The following ZNF286A variants were observed in gnomAD, a reference collection of about 807,000 sequenced individuals.
ZNF286A encodes zinc finger protein 286A.
Under a neutral mutation model 49.3 loss-of-function variants are expected in ZNF286A, and 34 were observed. The ratio of observed to expected loss-of-function variants is 0.69; its 90% CI spans 0.52 to 0.92. ZNF286A has a LOEUF of 0.92. Ranked by LOEUF, ZNF286A falls within the 40% of genes least tolerant of loss-of-function variation. The pLI, the probability that ZNF286A is intolerant of heterozygous loss-of-function variation, is 0.00. For missense variants in ZNF286A, 462 were observed against 600.2 expected (o/e 0.77, Z 2.41); for synonymous variants, 155 against 200.4 (o/e 0.77, Z 1.91).
At chr17:15,707,169 G>C (rs1032474160) in intron 4 of ZNF286A, among the ~76,000 whole-genome samples, 1 of 152,076 alleles carries the variant, frequency 6.6e-6, no homozygotes, top group African/African-American at 2.4e-5. Context: ...GGCCGGGCGC[G>C]GTGGCTCACG....
At chr17:15,708,284 C>A in intron 5 of ZNF286A, 37 bp downstream of exon 5, 2 of 1,490,744 alleles carry the variant, frequency 1.3e-6, no homozygotes, top group Non-Finnish European at 9.0e-7. Context: ...TAAATGATAG[C>A]CCAGCAGGAC....
In ZNF286A at chr17:15,717,134, G is replaced by T. The variant is rs1417751491; in HGVS notation, c.1410G>T (p.Glu470Asp). ...HIGKKPYKCS[E>D]CGKAFIHSSA... Reference sequence around the variant, plus strand: ...GAAAGAAACCGTACAAATGTAGCGAGTGTGGAAAAGCCTTCATTCATTCAT... The same window carrying T: ...GAAAGAAACCGTACAAATGTAGCGATTGTGGAAAAGCCTTCATTCATTCAT... Residue 470 changes from glutamate to aspartate, a missense_variant, in exon 6 of 6, where the codon GAG becomes GAT. Transcript: ENST00000583566. The T allele has an allele frequency of 1.9e-6, 3 of 1,613,520 alleles. No individual in the cohort carries two copies. The Admixed American group carries it at 5.0e-5, about 27-fold the overall frequency.
chr17:15,710,452 A>G (rs1990566133), intron 5 of ZNF286A, among the ~76,000 whole-genome samples: 1 of 152,318 alleles, frequency 6.6e-6, no homozygotes, highest in African/African-American at 2.4e-5. Flanking sequence ...GAAAGCCAAT[A>G]AGTCCAGCAT....
intron 3 of ZNF286A, among the ~76,000 whole-genome samples, chr17:15,701,794 G>C (rs1567702133): frequency 6.6e-6 from 1 of 152,096 alleles, no homozygotes; most frequent in Non-Finnish European, 1.5e-5. Flanking sequence ...TTATATTGTT[G>C]GCCCCTCTCT....
intron 5 of ZNF286A, among the ~76,000 whole-genome samples, chr17:15,711,934 C>T (rs1429212080): frequency 5.8e-5 from 7 of 120,950 alleles, no homozygotes; most frequent in Admixed American, 1.1e-4. Context: ...TGCAGTGGTG[C>T]GATCTTGGCT....
In ZNF286A at chr17:15,719,519, C is replaced by T; in HGVS notation, c.*2229C>T. ...ATATTTAGGGTCTAGGGAAGGTCTG[C>T]TTCTTGGTTAATAGAAAGCACCTTT... On this transcript the variant is annotated 3_prime_UTR_variant, in exon 6 of 6. Coordinates refer to ENST00000583566, the MANE Select transcript of ZNF286A (RefSeq NM_001130842.2). 1 of 151,538 alleles carries T rather than the reference C, an allele frequency of 6.6e-6. No individual in the cohort carries two copies. The highest frequency in any genetic ancestry group is 1.5e-5 in the Non-Finnish European group (1 of 67,944). The allele number at this position is 151,538 out of a possible 1,614,324, so 9.4% of individuals were successfully genotyped here.
chr17:15,715,405 C>T (rs1167097169), intron 5 of ZNF286A, among the ~76,000 whole-genome samples: 1 of 151,862 alleles, frequency 6.6e-6, no homozygotes, highest in Admixed American at 6.6e-5. Context: ...GATAGTACTC[C>T]ATTGTTTGTA....
chr17:15,712,416 C>T (rs992254950), intron 5 of ZNF286A, among the ~76,000 whole-genome samples: 1 of 152,164 alleles, frequency 6.6e-6, no homozygotes, highest in African/African-American at 2.4e-5. Context: ...CTATTTGATT[C>T]CTTTGTTTGC....
At chr17:15,704,550 C>T (rs1271268342) in intron 3 of ZNF286A, 5 of 1,614,000 alleles carry the variant, frequency 3.1e-6, no homozygotes, top group Non-Finnish European at 4.2e-6. Flanking sequence ...TCAGCAGGCA[C>T]CTGATGGTCA....
chr17:15,715,785 G>A (rs1474811908), intron 5 of ZNF286A, among the ~76,000 whole-genome samples: 1 of 152,164 alleles, frequency 6.6e-6, no homozygotes, highest in Non-Finnish European at 1.5e-5. Context: ...CTGCTCATCT[G>A]TGGATATATT....
chr17:15,712,089 A>T (rs62071725), intron 5 of ZNF286A, among the ~76,000 whole-genome samples: 1 of 151,934 alleles, frequency 6.6e-6, no homozygotes, highest in East Asian at 1.9e-4. Context: ...AGCCGGGATG[A>T]TCTCAGTCTC....
chr17:15,706,395 G>T lies in ZNF286A; in HGVS notation c.135G>T (p.Val45=). The change falls in exon 4 of 6, where the codon GTG becomes GTT. Residue 45 remains valine (V), a synonymous_variant. Transcript: ENST00000583566. ...AATATTTTATGTTTTAGGAAACAGT[G>T]ACATTCAAGGATGTGGCCATGGACT... ...LRLTARSQET[V]TFKDVAMDFT... is the part of the protein sequence containing the mutation. 1 of 1,613,352 alleles carries T rather than the reference G, an allele frequency of 6.2e-7. No individual in the cohort carries two copies. Among genetic ancestry groups the T allele is most frequent in the South Asian group, 1.1e-5 (1 of 91,058 alleles).
At chr17:15,703,784 T>C (rs1473148641) in intron 3 of ZNF286A, among the ~76,000 whole-genome samples, 3 of 152,212 alleles carry the variant, frequency 2.0e-5, no homozygotes, top group Non-Finnish European at 2.9e-5. Flanking sequence ...TGTTTCAAAC[T>C]TTTATTGCCA....
chr17:15,714,262 T>A (rs1267223675), intron 5 of ZNF286A, among the ~76,000 whole-genome samples: 3 of 152,002 alleles, frequency 2.0e-5, no homozygotes, highest in Non-Finnish European at 2.9e-5. Flanking sequence ...ATTGTGTTGA[T>A]TTGTGCGAAG....
In ZNF286A at chr17:15,717,930, AT is replaced by A. The variant is rs769116482; in HGVS notation, c.*661del. ...TTCACATGGATTATGTACATCATTGATTTTTTTTTTTTTTTTTTTTTGAGAC... is the reference window on the plus strand; with the variant it reads ...TTCACATGGATTATGTACATCATTGATTTTTTTTTTTTTTTTTTTTGAGAC... On this transcript the variant is annotated 3_prime_UTR_variant, in exon 6 of 6. Transcript: ENST00000583566. 44 of 96,976 alleles carry A rather than the reference AT, an allele frequency of 4.5e-4. No homozygotes were observed. Among genetic ancestry groups the A allele is most frequent in the East Asian group, 2.6e-3 (8 of 3,064 alleles). 6.0% of individuals were successfully genotyped at this position (96,976 alleles called of 1,614,324 possible).
chr17:15,716,791 G>C lies in ZNF286A; in HGVS notation c.1067G>C (p.Cys356Ser). 2 of 1,613,938 alleles carry C rather than the reference G, an allele frequency of 1.2e-6. No homozygotes were observed. Among genetic ancestry groups the C allele is most frequent in the Non-Finnish European group, 1.7e-6 (2 of 1,179,858 alleles). The change falls in exon 6 of 6, where the codon TGT (cysteine) becomes TCT (serine). Residue 356 changes from cysteine (C) to serine (S), a missense_variant. Physicochemically the swap from Cys to Ser is moderately radical, Grantham distance 112 (BLOSUM62 -1). This residue lies in a region of ZNF286A where 201 missense variants were observed against 311.3 expected (regional missense o/e 0.65). Transcript: ENST00000583566. ...CATACTGGAGTGAAGCCTTATGAAT[G>C]TAATGAATGTGATAAAGCTTTTATT... ...LIHTGVKPYE[C>S]NECDKAFIHS... is the part of the protein sequence containing the mutation.
rs569714761 is a variant in ZNF286A at position 15,701,124 on chromosome 17, C to G, written c.38-28C>G. The G allele has an allele frequency of 5.6e-6, 9 of 1,612,460 alleles. No individual in the cohort carries two copies. In the South Asian group the frequency reaches 6.6e-5, roughly 12 times the overall value. ...TCTGAGTGGCACGTTAAGCCTAGGT[C>G]TCATCATTACTGCTTTCTTGTCGTT... On this transcript the variant is annotated intron_variant, in intron 2 of 5. Transcript: ENST00000583566.
Position 15,719,958 on chromosome 17 carries a change from G to A in ZNF286A, c.*2668G>A, listed in dbSNP as rs527285060. On this transcript the variant is annotated 3_prime_UTR_variant, in exon 6 of 6. Coordinates refer to ENST00000583566, the MANE Select transcript of ZNF286A (RefSeq NM_001130842.2). ...AGGATGTTACTATATATTGTTAGGA[G>A]AATTCAAGTTATTGAAACTTGCCAA... 1 of 152,306 alleles carries A rather than the reference G, an allele frequency of 6.6e-6. No homozygotes were observed. The highest frequency in any genetic ancestry group is 2.1e-4 in the South Asian group (1 of 4,820). The allele number at this position is 152,306 out of a possible 1,614,324, so 9.4% of individuals were successfully genotyped here.
rs563446195 is a variant in ZNF286A, at chr17:15,702,776, A to G, written c.126+1536A>G. The stretch of plus-strand genomic sequence containing the variant: ...CTTTAAGTTGCAGCTGATAAAGTCA[A>G]TTCAAATGGGTCTAAGTGAAAAGAA... On this transcript the variant is annotated intron_variant, in intron 3 of 5. Transcript: ENST00000583566. Among the ~76,000 whole-genome samples, 6 of 152,356 alleles carry G rather than the reference A, an allele frequency of 3.9e-5. No homozygotes were observed. In the East Asian group the frequency reaches 7.7e-4, roughly 20 times the overall value.
Sources: gnomAD v4.1 joint callset for allele counts (sites outside exome capture counted in the v4.1 genomes callset) on GRCh38, gnomAD v4.1.1 for gene constraint, gnomAD v4.1.1 regional missense constraint, MANE v1.5 for transcripts, NCBI Gene and HGNC (gene_info 2026-07-23, HGNC 2026-07-21) for gene names.